Variants in SPATS2L observed in about 807,000 individuals in gnomAD.
The protein encoded by SPATS2L is spermatogenesis associated serine rich 2 like, also known as SPATS2-like protein.
In SPATS2L, 30 loss-of-function variants were observed where a neutral mutation model predicts 59.6. The ratio of observed to expected loss-of-function variants is 0.50; its 90% CI spans 0.38 to 0.68. The LOEUF (loss-of-function observed/expected upper bound fraction) is 0.68, where lower values mean the gene tolerates loss of function less well. Ranked by LOEUF, SPATS2L falls within the 30% of genes least tolerant of loss-of-function variation. SPATS2L has a pLI of 0.00. For synonymous variants in SPATS2L, 252 were observed against 263.5 expected, an observed-to-expected ratio of 0.96 and a Z score of 0.42; for missense variants, 615 against 700.0, an observed-to-expected ratio of 0.88 and a Z score of 1.37.
intron 2 of SPATS2L, among the ~76,000 whole-genome samples, chr2:200,375,344 C>T (rs1474356849): frequency 6.6e-6 from 1 of 151,876 alleles, no homozygotes; most frequent in African/African-American, 2.4e-5. Flanking sequence ...AGGCTTTGAT[C>T]GAGAGGAACT....
At chr2:200,358,450 T>A (rs963403368) in intron 2 of SPATS2L, among the ~76,000 whole-genome samples, 1 of 152,164 alleles carries the variant, frequency 6.6e-6, no homozygotes, top group African/African-American at 2.4e-5. Context: ...AGAAATACAG[T>A]GGAGTTCACA....
At chr2:200,402,140 C>G (rs1559100606) in intron 3 of SPATS2L, among the ~76,000 whole-genome samples, 1 of 152,170 alleles carries the variant, frequency 6.6e-6, no homozygotes. Context: ...ATTTTCTCTC[C>G]CCTGGACAGT....
intron 2 of SPATS2L, among the ~76,000 whole-genome samples, chr2:200,370,865 G>T (rs2081406489): frequency 6.6e-6 from 1 of 152,192 alleles, no homozygotes; most frequent in African/African-American, 2.4e-5. Flanking sequence ...GAAATGGACA[G>T]CTAAAGTGGA....
At chr2:200,345,371 C>T (rs1433065108) in intron 2 of SPATS2L, among the ~76,000 whole-genome samples, 5 of 152,178 alleles carry the variant, frequency 3.3e-5, no homozygotes, top group Non-Finnish European at 7.3e-5. Context: ...AAGTGACTGA[C>T]TCTGGATAAC....
At chr2:200,398,426 C>T (rs1470661405) in intron 3 of SPATS2L, among the ~76,000 whole-genome samples, 1 of 152,204 alleles carries the variant, frequency 6.6e-6, no homozygotes, top group Non-Finnish European at 1.5e-5. Context: ...AATGCAAACT[C>T]TAGAATTTCC....
At chr2:200,389,790 G>A (rs576047245) in intron 3 of SPATS2L, 1 of 153,076 alleles carries the variant, frequency 6.5e-6, no homozygotes, top group East Asian at 1.9e-4. Flanking sequence ...AACGCTGAGA[G>A]TTCATGACTC....
intron 6 of SPATS2L, among the ~76,000 whole-genome samples, chr2:200,422,290 G>A (rs1291241949): frequency 6.6e-6 from 1 of 152,114 alleles, no homozygotes; most frequent in Admixed American, 6.6e-5. Flanking sequence ...TCATCCCAGC[G>A]CTTTGGGAGG....
intron 2 of SPATS2L, among the ~76,000 whole-genome samples, chr2:200,372,463 T>A (rs2081458651): frequency 2.6e-5 from 4 of 152,118 alleles, no homozygotes; most frequent in Admixed American, 1.3e-4. Context: ...GGGTATTCCA[T>A]GGTGGTTTGT....
rs527606949 is a variant in SPATS2L, at chr2:200,419,536, A to G, written c.445+40A>G. On this transcript the variant is annotated intron_variant, in intron 6 of 12. Transcript: ENST00000409140. ...AGTAAAATTGCTTAGGAAGGCATAG[A>G]TGAAAAGAGCACAAAGGGAGCTCAT... 11 of 1,607,040 alleles carry G rather than the reference A, an allele frequency of 6.8e-6. No individual in the cohort carries two copies. The South Asian group carries it at 1.1e-4, about 16-fold the overall frequency.
intron 2 of SPATS2L, among the ~76,000 whole-genome samples, chr2:200,386,140 G>A (rs1353044351): frequency 6.6e-6 from 1 of 152,154 alleles, no homozygotes; most frequent in Non-Finnish European, 1.5e-5. Context: ...GATGTGGAGA[G>A]GGTATTGGAA....
intron 2 of SPATS2L, chr2:200,383,959 C>T (rs2081908980): frequency 3.0e-6 from 3 of 1,002,012 alleles, no homozygotes; most frequent in Non-Finnish European, 3.6e-6. Flanking sequence ...TTTATTACTG[C>T]CTACACAATC....
chr2:200,307,585 C>G (rs912484351), intron 1 of SPATS2L, among the ~76,000 whole-genome samples: 3 of 152,170 alleles, frequency 2.0e-5, no homozygotes, highest in Admixed American at 6.5e-5. Flanking sequence ...GGGGGGACCC[C>G]GGAGTCCGCG....
At chr2:200,457,264 G>T (rs1336843272) in intron 8 of SPATS2L, among the ~76,000 whole-genome samples, 1 of 150,650 alleles carries the variant, frequency 6.6e-6, no homozygotes, top group South Asian at 2.1e-4. Flanking sequence ...ACACACAGAT[G>T]CCTCTGTCAT....
At chr2:200,401,178 G>A (rs1386407987) in intron 3 of SPATS2L, among the ~76,000 whole-genome samples, 1 of 147,760 alleles carries the variant, frequency 6.8e-6, no homozygotes, top group Non-Finnish European at 1.5e-5. Context: ...AGACCACTTG[G>A]AGAAACCTTG....
intron 12 of SPATS2L, 82 bp from the exon 13 acceptor site, chr2:200,477,554 A>G: frequency 1.6e-6 from 1 of 609,786 alleles, no homozygotes; most frequent in Non-Finnish European, 2.4e-6. Flanking sequence ...CCTGTGGCTT[A>G]GAGATTTGGT....
Position 200,481,520 on chromosome 2 carries a change from C to T in SPATS2L, c.*3489C>T, listed in dbSNP as rs1291957622. ...GATAGGGAGATGCCTGAATTTCAGG[C>T]TACCTTTGACAAAGCTTTCTTCCTC... is the stretch of plus-strand genomic sequence containing the variant. On this transcript the variant is annotated 3_prime_UTR_variant, in exon 13 of 13. Coordinates refer to ENST00000409140, the MANE Select transcript of SPATS2L (RefSeq NM_001100423.2). 1.3e-5 allele frequency: 2 copies of T among 152,262 alleles called. No homozygotes were observed. Among genetic ancestry groups the T allele is most frequent in the African/African-American group, 4.8e-5 (2 of 41,462 alleles). The allele number at this position is 152,262 out of a possible 1,614,324, so 9.4% of individuals were successfully genotyped here. A position where few individuals can be genotyped will look rare whatever the true frequency, so the allele number is the denominator to read the frequency against.
intron 6 of SPATS2L, among the ~76,000 whole-genome samples, chr2:200,431,563 T>A (rs2083933702): frequency 6.6e-6 from 1 of 152,222 alleles, no homozygotes; most frequent in South Asian, 2.1e-4. Flanking sequence ...AATGAAACCA[T>A]CTTAACTCAA....
chr2:200,384,871 A>T (rs974040732), intron 2 of SPATS2L, among the ~76,000 whole-genome samples: 5 of 152,216 alleles, frequency 3.3e-5, no homozygotes, highest in Admixed American at 1.3e-4. Context: ...AAAAAGTTTT[A>T]AAAAATGTCT....
chr2:200,433,860 C>T (rs1451972284), intron 6 of SPATS2L, among the ~76,000 whole-genome samples: 1 of 151,980 alleles, frequency 6.6e-6, no homozygotes, highest in Non-Finnish European at 1.5e-5. Context: ...AGTGAATTCC[C>T]ATGAACATTT....
Sources: allele counts gnomAD v4.1 joint callset (sites outside exome capture counted in the v4.1 genomes callset), GRCh38; gene constraint gnomAD v4.1.1; transcripts MANE v1.5; gene names NCBI Gene and HGNC (gene_info 2026-07-23, HGNC 2026-07-21).